GABRA2: variants seen among roughly 807,000 people sequenced by gnomAD.
GABRA2 encodes gamma-aminobutyric acid type A receptor subunit alpha2, also known as gamma-aminobutyric acid receptor subunit alpha-2.
In GABRA2, 16 loss-of-function variants were observed where a neutral mutation model predicts 48.7. The observed-to-expected ratio is 0.33, with a 90% CI of 0.22 to 0.50. GABRA2 has a LOEUF of 0.50. GABRA2 is among the 20% of genes least tolerant of loss of function. GABRA2 has a pLI of 0.98. For missense variants in GABRA2, 275 were observed against 535.6 expected, an observed-to-expected ratio of 0.51 and a Z score of 4.80; for synonymous variants, 185 against 184.5, an observed-to-expected ratio of 1.00 and a Z score of -0.02.
chr4:46,253,920 A>G (rs1206071442), intron 9 of GABRA2, among the ~76,000 whole-genome samples: 3 of 151,566 alleles, frequency 2.0e-5, no homozygotes, highest in Non-Finnish European at 4.4e-5. Flanking sequence ...AATCTATAGT[A>G]AAGCAGACTG....
chr4:46,381,039 T>C (rs2095795489), intron 3 of GABRA2, among the ~76,000 whole-genome samples: 1 of 152,196 alleles, frequency 6.6e-6, no homozygotes, highest in African/African-American at 2.4e-5. Flanking sequence ...AGGGTGGTTC[T>C]AACTAGCCAA....
intron 8 of GABRA2, among the ~76,000 whole-genome samples, chr4:46,266,765 A>C (rs1176780997): frequency 1.7e-5 from 2 of 119,218 alleles, no homozygotes; most frequent in South Asian, 2.8e-4. Context: ...TCTGTCACCC[A>C]GGCTAGAGGG....
chr4:46,324,124 C>T (rs1729922828), intron 4 of GABRA2, among the ~76,000 whole-genome samples: 2 of 151,946 alleles, frequency 1.3e-5, no homozygotes, highest in South Asian at 4.1e-4. Context: ...CTCCACCCAC[C>T]GCAATCTGGT....
chr4:46,323,947 C>T (rs1168663523), intron 4 of GABRA2, among the ~76,000 whole-genome samples: 2 of 151,916 alleles, frequency 1.3e-5, no homozygotes. Context: ...AATATAATGA[C>T]ATGTTCAGGG....
At chr4:46,300,989 A>T (rs1444619533) in intron 8 of GABRA2, among the ~76,000 whole-genome samples, 8 of 152,168 alleles carry the variant, frequency 5.3e-5, no homozygotes, top group African/African-American at 1.7e-4. Flanking sequence ...AAGTAGGATC[A>T]GATTAATAAT....
At chr4:46,343,984 G>A (rs533439014) in intron 3 of GABRA2, among the ~76,000 whole-genome samples, 1 of 151,884 alleles carries the variant, frequency 6.6e-6, no homozygotes, top group Admixed American at 6.6e-5. Context: ...TTCCTGTGAG[G>A]ATTAAGGCTT....
At chr4:46,267,093 T>C (rs912695200) in intron 8 of GABRA2, among the ~76,000 whole-genome samples, 1 of 152,088 alleles carries the variant, frequency 6.6e-6, no homozygotes, top group Non-Finnish European at 1.5e-5. Flanking sequence ...TGTGTTGATA[T>C]GCTTGATGAT....
chr4:46,318,823 C>T (rs561053631), intron 4 of GABRA2, among the ~76,000 whole-genome samples: 2 of 151,760 alleles, frequency 1.3e-5, no homozygotes, highest in South Asian at 2.1e-4. Context: ...TGCATGTATC[C>T]TATGGCTTAT....
rs1560414271 is a variant in GABRA2, at chr4:46,244,895, T to C, written c.*5413A>G. ...TACAGTTTTATTGTTGAGTGTTTGC[T>C]TTTTACTTGTTTGTTTTGTTATGTA... On this transcript the variant is annotated 3_prime_UTR_variant, in exon 10 of 10. Transcript: ENST00000381620. 2.0e-5 allele frequency among the ~76,000 whole-genome samples: 3 copies of C among 151,350 alleles called. No homozygotes were observed. The highest frequency in any genetic ancestry group is 4.4e-5 in the Non-Finnish European group (3 of 67,556).
At chr4:46,272,601 C>A (rs753054852) in intron 8 of GABRA2, among the ~76,000 whole-genome samples, 1 of 151,846 alleles carries the variant, frequency 6.6e-6, no homozygotes, top group Non-Finnish European at 1.5e-5. Context: ...ATAGAGCAGC[C>A]CACCTTGAAA....
At chr4:46,309,912 A>G (rs1035119439) in intron 6 of GABRA2, among the ~76,000 whole-genome samples, 14 of 152,158 alleles carry the variant, frequency 9.2e-5, no homozygotes, top group Non-Finnish European at 1.8e-4. Flanking sequence ...CTAACCTCCA[A>G]GGAACTCCTG....
chr4:46,256,163 T>G, intron 9 of GABRA2: 1 of 605,260 alleles, frequency 1.7e-6, no homozygotes, highest in Non-Finnish European at 3.0e-6. Context: ...AACTGTCTAC[T>G]AATCATCCTG....
At chr4:46,282,055 T>G (rs1044778732) in intron 8 of GABRA2, among the ~76,000 whole-genome samples, 1 of 152,180 alleles carries the variant, frequency 6.6e-6, no homozygotes, top group Non-Finnish European at 1.5e-5. Context: ...CTGTGGAATT[T>G]GAAGGAGGTT....
chr4:46,360,320 G>A (rs1712966518), intron 3 of GABRA2, among the ~76,000 whole-genome samples: 1 of 152,206 alleles, frequency 6.6e-6, no homozygotes, highest in African/African-American at 2.4e-5. Context: ...GAGGAATCCA[G>A]TGGGAGGTAA....
chr4:46,352,174 A>G (rs1041589004), intron 3 of GABRA2, among the ~76,000 whole-genome samples: 1 of 151,992 alleles, frequency 6.6e-6, no homozygotes, highest in African/African-American at 2.4e-5. Context: ...GCAGAGAATC[A>G]CTATAAATGA....
chr4:46,303,193 G>T (rs1726051723), intron 8 of GABRA2: 2 of 406,702 alleles, frequency 4.9e-6, no homozygotes, highest in East Asian at 4.5e-5. Context: ...ATATAGTACA[G>T]ACAAATGTTG....
At chr4:46,351,210 T>C (rs1289433519) in intron 3 of GABRA2, among the ~76,000 whole-genome samples, 1 of 151,930 alleles carries the variant, frequency 6.6e-6, no homozygotes, top group Non-Finnish European at 1.5e-5. Context: ...ATCTAGAGTT[T>C]ACTTAGAAAG....
intron 3 of GABRA2, among the ~76,000 whole-genome samples, chr4:46,360,052 A>C (rs1324252430): frequency 6.6e-6 from 1 of 152,234 alleles, no homozygotes; most frequent in Non-Finnish European, 1.5e-5. Context: ...GGGAGCAATG[A>C]AACTATATTA....
At chr4:46,333,181 T>C (rs1731660949) in intron 3 of GABRA2, among the ~76,000 whole-genome samples, 1 of 152,070 alleles carries the variant, frequency 6.6e-6, no homozygotes, top group Admixed American at 6.6e-5. Context: ...ATAATTCCAA[T>C]TAATATAAAA....
Sources: allele counts gnomAD v4.1 joint callset (sites outside exome capture counted in the v4.1 genomes callset), GRCh38; gene constraint gnomAD v4.1.1; transcripts MANE v1.5; gene names NCBI Gene and HGNC (gene_info 2026-07-23, HGNC 2026-07-21).